Variants in NDEL1 observed in about 807,000 individuals in gnomAD.
The protein encoded by NDEL1 is nuclear distribution protein nudE-like 1.
A neutral mutation model predicts 45.7 loss-of-function variants in NDEL1; 9 were observed. That is an observed-to-expected ratio of 0.20 (90% CI 0.12 to 0.34). The LOEUF is 0.34. NDEL1 is among the 10% of genes least tolerant of loss of function. The pLI, the probability that NDEL1 is intolerant of heterozygous loss-of-function variation, is 1.00. For synonymous variants in NDEL1, 133 were observed against 158.6 expected (o/e 0.84, Z 1.21); for missense variants, 306 against 406.2 (o/e 0.75, Z 2.12).
rs1317415323 is a variant in NDEL1 at position 8,436,032 on chromosome 17, T to C, written c.-26T>C. Reference sequence around the variant, plus strand: ...GTTGAGCGGCGGCGAACATGCGCTTTTGACACATTGGAGGTGAGCCTGCAG... The same window carrying C: ...GTTGAGCGGCGGCGAACATGCGCTTCTGACACATTGGAGGTGAGCCTGCAG... On this transcript the variant is annotated 5_prime_UTR_variant, in exon 1 of 9. Transcript: ENST00000334527. The C allele has an allele frequency of 9.0e-6, 4 of 446,040 alleles. No individual in the cohort carries two copies. The highest frequency in any genetic ancestry group is 6.3e-5 in the African/African-American group (3 of 47,702). The allele number at this position is 446,040 out of a possible 1,614,324, so 27.6% of individuals were successfully genotyped here. A position where few individuals can be genotyped will look rare whatever the true frequency, so the allele number is the denominator to read the frequency against.
At chr17:8,435,276 C>A (rs1343151996), upstream of NDEL1, among the ~76,000 whole-genome samples, 1 of 22,546 alleles carries the variant, frequency 4.4e-5, no homozygotes, top group East Asian at 8.2e-3. Context: ...TTTGTGCCAA[C>A]GAATCCATTC....
intron 1 of NDEL1, among the ~76,000 whole-genome samples, chr17:8,421,492 C>T (rs940088900): frequency 1.3e-5 from 2 of 152,122 alleles, no homozygotes; most frequent in African/African-American, 2.4e-5. Flanking sequence ...AGCCAAGGAG[C>T]GCTGGTGGCC....
intron 3 of NDEL1, 170 bp downstream of exon 3, chr17:8,446,034 GT>G: frequency 3.6e-6 from 2 of 559,024 alleles, no homozygotes; most frequent in Non-Finnish European, 5.5e-6. Context: ...GGAAAAGGTG[GT>G]TTAGAGTTTA....
chr17:8,423,837 G>T (rs757359261), intron 1 of NDEL1, among the ~76,000 whole-genome samples: 5 of 152,178 alleles, frequency 3.3e-5, no homozygotes, highest in Non-Finnish European at 7.3e-5. Context: ...AGGCTTTACT[G>T]ACATGAGTGC....
At chr17:8,414,233 A>G (rs553778430) in intron 1 of NDEL1, among the ~76,000 whole-genome samples, 1 of 152,206 alleles carries the variant, frequency 6.6e-6, no homozygotes, top group South Asian at 2.1e-4. Flanking sequence ...ATAATAATAA[A>G]CAGTGCCACA....
upstream of NDEL1, chr17:8,432,000 C>G (rs538037960): frequency 1.3e-5 from 2 of 151,252 alleles, no homozygotes; most frequent in Admixed American, 6.6e-5. Flanking sequence ...GCTGGGATTA[C>G]AGGCACATGC....
upstream of NDEL1, among the ~76,000 whole-genome samples, chr17:8,432,834 G>C (rs1328728486): frequency 6.6e-6 from 1 of 152,156 alleles, no homozygotes; most frequent in Non-Finnish European, 1.5e-5. Context: ...ATGGTGGAAA[G>C]GTCTCTCTGA....
chr17:8,446,041 GT>G, intron 3 of NDEL1, 177 bp downstream of exon 3: 1 of 506,060 alleles, frequency 2.0e-6, no homozygotes, highest in Non-Finnish European at 3.1e-6. Context: ...GTGGTTTAGA[GT>G]TTAGGAGTTC....
chr17:8,460,467 G>T (rs1424331456), intron 8 of NDEL1, among the ~76,000 whole-genome samples: 1 of 152,072 alleles, frequency 6.6e-6, no homozygotes, highest in African/African-American at 2.4e-5. Context: ...CTTACAGGCT[G>T]GCAGACTTGG....
intron 1 of NDEL1, among the ~76,000 whole-genome samples, chr17:8,437,999 C>T (rs1394620687): frequency 6.6e-6 from 1 of 152,116 alleles, no homozygotes; most frequent in Non-Finnish European, 1.5e-5. Context: ...CCCTCTGTTG[C>T]CCAGGCTGGA....
At chr17:8,453,480 AC>A (rs1910648150) in intron 6 of NDEL1, among the ~76,000 whole-genome samples, 1 of 152,158 alleles carries the variant, frequency 6.6e-6, no homozygotes, top group South Asian at 2.1e-4. Flanking sequence ...TGGGTCACTT[AC>A]CCAGTGGCTG....
intron 6 of NDEL1, among the ~76,000 whole-genome samples, chr17:8,452,379 G>A (rs545575927): frequency 8.5e-5 from 13 of 152,278 alleles, no homozygotes; most frequent in Admixed American, 3.9e-4. Flanking sequence ...TTCATTCAGG[G>A]ACTTGGGGAG....
downstream of NDEL1, among the ~76,000 whole-genome samples, chr17:8,470,620 A>G (rs951720898): frequency 3.3e-5 from 5 of 152,110 alleles, no homozygotes; most frequent in African/African-American, 7.2e-5. This position sits in a 1 kb window ranked among gnomAD's most constrained non-coding sequence, Gnocchi z 4.2. Flanking sequence ...AGAAAGGACA[A>G]TGGGCCCGGG....
chr17:8,452,740 CTTTTT>C, intron 6 of NDEL1, among the ~76,000 whole-genome samples: 27 of 95,592 alleles, frequency 2.8e-4, no homozygotes, highest in South Asian at 8.2e-4. Context: ...TTTTTCTTCT[CTTTTT>C]TTTTTTTTTT....
intron 1 of NDEL1, among the ~76,000 whole-genome samples, chr17:8,414,745 A>C (rs1385296561): frequency 6.6e-6 from 1 of 152,000 alleles, no homozygotes; most frequent in Admixed American, 6.6e-5. Context: ...GGTGTGAAAC[A>C]CTGGCCTCAA....
intron 1 of NDEL1, among the ~76,000 whole-genome samples, chr17:8,421,036 T>A (rs1292053950): frequency 1.3e-5 from 2 of 152,194 alleles, no homozygotes; most frequent in African/African-American, 4.8e-5. Flanking sequence ...CATTTGAAAT[T>A]TCAATAGTTA....
upstream of NDEL1, among the ~76,000 whole-genome samples, chr17:8,432,409 G>A (rs1007567161): frequency 2.9e-5 from 3 of 103,958 alleles, no homozygotes; most frequent in African/African-American, 1.1e-4. Context: ...TTTTGAGACA[G>A]AGTCTCGCTC....
At chr17:8,458,749 CAG>C (rs1911010645) in intron 7 of NDEL1, among the ~76,000 whole-genome samples, 1 of 151,970 alleles carries the variant, frequency 6.6e-6, no homozygotes, top group African/African-American at 2.4e-5. Flanking sequence ...TTTTTTGAGA[CAG>C]AGTCTCACTC....
chr17:8,415,111 C>T (rs1375552720), intron 1 of NDEL1, among the ~76,000 whole-genome samples: 2 of 64,266 alleles, frequency 3.1e-5, no homozygotes, highest in Admixed American at 1.9e-4. Flanking sequence ...TTCCTCCCTC[C>T]CTCCCTCCCT....
Sources: allele counts gnomAD v4.1 joint callset (sites outside exome capture counted in the v4.1 genomes callset), GRCh38; gene constraint gnomAD v4.1.1; non-coding constraint Gnocchi (gnomAD v3.1); transcripts MANE v1.5; gene names NCBI Gene and HGNC (gene_info 2026-07-23, HGNC 2026-07-21).